PASD1: variants seen among roughly 807,000 people sequenced by gnomAD.
PASD1 encodes PAS domain containing repressor 1.
In PASD1, 13 loss-of-function variants were observed where a neutral mutation model predicts 58.8. The ratio of observed to expected loss-of-function variants is 0.22; its 90% CI spans 0.14 to 0.35. The LOEUF (loss-of-function observed/expected upper bound fraction) is 0.35, where lower values mean the gene tolerates loss of function less well. PASD1 is among the 10% of genes least tolerant of loss of function. The probability of loss-of-function intolerance (pLI) is 1.00; values close to 1 mark genes in which losing one functional copy is unlikely to be tolerated. For synonymous variants in PASD1, 236 were observed against 216.7 expected, an observed-to-expected ratio of 1.09 and a Z score of -0.78; for missense variants, 734 against 568.3, an observed-to-expected ratio of 1.29 and a Z score of -2.96.
At position 151,671,684 on chromosome X, in the gene PASD1, C is replaced by G. The variant is rs1326056250; in HGVS notation, c.1342C>G (p.His448Asp). 1 of 1,210,434 alleles carries G rather than the reference C, an allele frequency of 8.3e-7. No homozygotes were observed. Among genetic ancestry groups the G allele is most frequent in the Non-Finnish European group, 1.1e-6 (1 of 894,003 alleles). The change falls in exon 13 of 16, where the codon CAT becomes GAT. Residue 448 changes from histidine (H) to aspartate (D), a missense_variant. Transcript: ENST00000370357. ...HAGQVKRPLP[H>D]PKDVKCFCGL... The stretch of plus-strand genomic sequence containing the variant: ...TGGGCAAGTGAAGCGGCCTCTCCCA[C>G]ATCCCAAGGACGTCAAGTGTTTCTG...
intron 9 of PASD1, among the ~76,000 whole-genome samples, chrX:151,653,538 G>C (rs1331296388): frequency 9.0e-6 from 1 of 110,518 alleles, no homozygotes; most frequent in Admixed American, 9.7e-5. Context: ...GTTGGCATTT[G>C]ATGACGGGTG....
At position 151,604,656 on chromosome X, in the gene PASD1, T is replaced by A. The variant is rs148760230; in HGVS notation, c.39T>A (p.Asn13Lys). 8.3e-4 allele frequency: 1,001 copies of A among 1,201,207 alleles called. 8 individuals carry two copies. The African/African-American group carries it at 0.015, about 18-fold the overall frequency. Reference protein sequence around the residue: ...MRGEKRRDKVNPKSSQRKLNW... With the variant: ...MRGEKRRDKVKPKSSQRKLNW... Reference sequence around the variant, plus strand: ...CCTTTTTCTAAAAAGACAAAGTCAATCCAAAAAGCTCTCAAAGGAAATTAA... The same window carrying A: ...CCTTTTTCTAAAAAGACAAAGTCAAACCAAAAAGCTCTCAAAGGAAATTAA... Residue 13 changes from asparagine to lysine, a missense_variant, in exon 3 of 16, where the codon AAT becomes AAA. Physicochemically the swap from Asn to Lys is moderately conservative, Grantham distance 94 (BLOSUM62 0). Transcript: ENST00000370357.
chrX:151,613,578 C>T (rs2013596561), intron 4 of PASD1, among the ~76,000 whole-genome samples: 1 of 111,018 alleles, frequency 9.0e-6, no homozygotes, highest in South Asian at 3.8e-4. Flanking sequence ...CACTTTGAAG[C>T]AATTGCGAAT....
rs994668904 is a variant in PASD1 at position 151,674,115 on chromosome X, C to G, written c.2104C>G (p.Pro702Ala). 1 of 1,210,328 alleles carries G rather than the reference C, an allele frequency of 8.3e-7. No homozygotes were observed. The highest frequency in any genetic ancestry group is 2.2e-5 in the Admixed American group (1 of 45,833). ...LWQELSDSLG[P>A]VVQVNTWSCD... is the part of the protein sequence containing the mutation. ...GCAAGAGTTGTCTGATTCACTCGGT[C>G]CTGTTGTCCAAGTGAACACTTGGTC... Residue 702 changes from proline to alanine, a missense_variant, in exon 15 of 16, where the codon CCT becomes GCT. Physicochemically the swap from Pro to Ala is conservative, Grantham distance 27. Transcript: ENST00000370357.
At chrX:151,582,935 T>C (rs1428432401) in intron 1 of PASD1, among the ~76,000 whole-genome samples, 1 of 112,137 alleles carries the variant, frequency 8.9e-6, no homozygotes, top group Non-Finnish European at 1.9e-5. Flanking sequence ...TTATTGGACA[T>C]AAATGTAATT....
At chrX:151,664,512 G>A (rs900281689) in intron 11 of PASD1, among the ~76,000 whole-genome samples, 164 bp downstream of exon 11, 3 of 112,500 alleles carry the variant, frequency 2.7e-5, no homozygotes, top group East Asian at 2.8e-4. Flanking sequence ...TTCAGATGCC[G>A]TTGAGAACTC....
intron 2 of PASD1, among the ~76,000 whole-genome samples, chrX:151,603,131 G>A (rs760788830): frequency 7.1e-5 from 8 of 112,500 alleles, no homozygotes; most frequent in Admixed American, 5.6e-4. Flanking sequence ...ACGCTGCCCC[G>A]TCAGTCTGTA....
rs1194859912 is a variant in PASD1 at position 151,600,951 on chromosome X, T to C, written c.-27-576T>C. On this transcript the variant is annotated intron_variant, in intron 1 of 15. Transcript: ENST00000370357. ...GCCATTGACATCTACCTTGAGGCTT[T>C]GGCCTTGAGGTGATGTGTGAGTCTA... is the stretch of plus-strand genomic sequence containing the variant. Among the ~76,000 whole-genome samples, 6 of 112,571 alleles carry C rather than the reference T, an allele frequency of 5.3e-5. No homozygotes were observed. In the East Asian group the frequency reaches 1.7e-3, roughly 31 times the overall value.
At chrX:151,605,090 T>A (rs375791483) in intron 3 of PASD1, among the ~76,000 whole-genome samples, 1 of 111,377 alleles carries the variant, frequency 9.0e-6, no homozygotes, top group Non-Finnish European at 1.9e-5. Flanking sequence ...AAGTAGTTTC[T>A]CCCCCCTCAA....
intron 1 of PASD1, among the ~76,000 whole-genome samples, chrX:151,596,145 TATAAC>T (rs1195162754): frequency 8.9e-6 from 1 of 112,049 alleles, no homozygotes; most frequent in Non-Finnish European, 1.9e-5. Context: ...TTTCTGTTGT[TATAAC>T]AGAATACCTG....
Position 151,670,926 on chromosome X carries a change from G to A in PASD1, c.1072-112G>A, listed in dbSNP as rs2014458687. ...AGTAATGAATGAAATCAGGATTTGAGAGCTACCATTTGCATTCTCAGTCTT... is the reference window on the plus strand; with the variant it reads ...AGTAATGAATGAAATCAGGATTTGAAAGCTACCATTTGCATTCTCAGTCTT... On this transcript the variant is annotated intron_variant, in intron 11 of 15. Transcript: ENST00000370357. 1.3e-5 allele frequency: 11 copies of A among 861,088 alleles called. No homozygotes were observed. The Middle Eastern group carries it at 1.3e-3, about 101-fold the overall frequency. The allele number at this position is 861,088 out of a possible 1,213,427, so 71.0% of individuals were successfully genotyped here.
intron 9 of PASD1, among the ~76,000 whole-genome samples, chrX:151,653,427 G>A (rs373054744): frequency 9.1e-6 from 1 of 109,805 alleles, no homozygotes; most frequent in Non-Finnish European, 1.9e-5. Flanking sequence ...TCTGACCTCA[G>A]GTGATCCACC....
intron 9 of PASD1, among the ~76,000 whole-genome samples, chrX:151,649,562 T>A (rs1353871459): frequency 8.9e-6 from 1 of 111,883 alleles, no homozygotes; most frequent in Non-Finnish European, 1.9e-5. Flanking sequence ...GGGATATTTA[T>A]TTTACTCCTA....
chrX:151,640,454 G>A (rs1055154892), intron 8 of PASD1, among the ~76,000 whole-genome samples: 6 of 111,911 alleles, frequency 5.4e-5, no homozygotes, highest in African/African-American at 1.9e-4. Context: ...TTATATCTGA[G>A]CTGTCAGTTC....
intron 11 of PASD1, among the ~76,000 whole-genome samples, chrX:151,669,162 CTA>C (rs1258400887): frequency 1.4e-5 from 1 of 70,253 alleles, no homozygotes; most frequent in Admixed American, 1.4e-4. Context: ...ATTATATATA[CTA>C]TATGTGTGTG....
chrX:151,584,513 A>T (rs1429911820), intron 1 of PASD1, among the ~76,000 whole-genome samples: 1 of 111,943 alleles, frequency 8.9e-6, no homozygotes, highest in Non-Finnish European at 1.9e-5. Context: ...TCCTGCAAGG[A>T]TGTCTTGTTA....
intron 9 of PASD1, among the ~76,000 whole-genome samples, chrX:151,651,933 T>G (rs186765762): frequency 8.4e-4 from 95 of 112,510 alleles, no homozygotes; most frequent in African/African-American, 2.9e-3. Flanking sequence ...ATGAGGCGTC[T>G]ACTTTTAAAA....
At chrX:151,596,887 A>G (rs1002308613) in intron 1 of PASD1, among the ~76,000 whole-genome samples, 3 of 112,259 alleles carry the variant, frequency 2.7e-5, no homozygotes, top group Admixed American at 1.9e-4. Context: ...ATTTTCAAAA[A>G]TCATATGTGT....
At chrX:151,622,242 A>G (rs903570813) in intron 6 of PASD1, among the ~76,000 whole-genome samples, 1 of 111,245 alleles carries the variant, frequency 9.0e-6, no homozygotes, top group East Asian at 2.8e-4. Flanking sequence ...AGAAATTAAC[A>G]TAAATTAATT....
Sources: allele counts gnomAD v4.1 joint callset (sites outside exome capture counted in the v4.1 genomes callset), GRCh38; gene constraint gnomAD v4.1.1; transcripts MANE v1.5; gene names NCBI Gene and HGNC (gene_info 2026-07-23, HGNC 2026-07-21).